The following PCDH11X variants were observed in gnomAD, a reference collection of about 807,000 sequenced individuals.
PCDH11X encodes protocadherin 11 X-linked, also known as protocadherin-11 X-linked.
A neutral mutation model predicts 53.3 loss-of-function variants in PCDH11X; 18 were observed. The observed-to-expected ratio is 0.34, with a 90% confidence interval of 0.23 to 0.50. PCDH11X has a LOEUF of 0.50. Ranked by LOEUF, PCDH11X falls within the 20% of genes least tolerant of loss-of-function variation. PCDH11X has a pLI of 0.98. For synonymous variants in PCDH11X, 279 were observed against 393.3 expected (o/e 0.71, Z 3.44); for missense variants, 570 against 1,032.4 (o/e 0.55, Z 6.14).
At chrX:92,079,662 CAT>C (rs1200541551) in intron 6 of PCDH11X, among the ~76,000 whole-genome samples, 1 of 111,071 alleles carries the variant, frequency 9.0e-6, no homozygotes, top group Non-Finnish European at 1.9e-5. Context: ...TACATATGTA[CAT>C]GTTTCCCCTA....
intron 6 of PCDH11X, among the ~76,000 whole-genome samples, chrX:92,168,235 A>G (rs1052067176): frequency 9.4e-6 from 1 of 106,461 alleles, no homozygotes; most frequent in Non-Finnish European, 1.9e-5. Context: ...AACATGAGCC[A>G]CCACACCCAG....
At chrX:91,934,027 C>G (rs1347057802) in intron 6 of PCDH11X, among the ~76,000 whole-genome samples, 1 of 111,218 alleles carries the variant, frequency 9.0e-6, no homozygotes, top group Non-Finnish European at 1.9e-5. Flanking sequence ...ATGTCTCCAT[C>G]CAAACAAAAT....
intron 1 of PCDH11X, among the ~76,000 whole-genome samples, chrX:91,791,498 A>AG (rs1453722429): frequency 9.3e-6 from 1 of 107,768 alleles, no homozygotes; most frequent in Non-Finnish European, 1.9e-5. Flanking sequence ...AAGAACAGCA[A>AG]GGGGAAAATC....
At chrX:92,369,757 C>T (rs1433773000) in intron 8 of PCDH11X, among the ~76,000 whole-genome samples, 2 of 111,317 alleles carry the variant, frequency 1.8e-5, no homozygotes, top group Non-Finnish European at 3.8e-5. Context: ...GAGGAAGGTC[C>T]CCCAGCTTCA....
chrX:92,170,087 A>G (rs1466898439), intron 6 of PCDH11X, among the ~76,000 whole-genome samples: 2 of 110,746 alleles, frequency 1.8e-5, no homozygotes, highest in Non-Finnish European at 3.8e-5. Context: ...AAATATGGAG[A>G]TAGAAATAAA....
intron 7 of PCDH11X, among the ~76,000 whole-genome samples, chrX:92,211,644 T>C (rs189244202): frequency 3.5e-4 from 39 of 112,269 alleles, no homozygotes; most frequent in African/African-American, 1.3e-3. Flanking sequence ...AAGGAACTGC[T>C]ACATTAATCT....
At chrX:91,956,818 G>T (rs770962206) in intron 6 of PCDH11X, among the ~76,000 whole-genome samples, 1 of 106,594 alleles carries the variant, frequency 9.4e-6, no homozygotes, top group African/African-American at 3.5e-5. Context: ...CTAGGTTGGA[G>T]AAGTTCTCCT....
rs1356218930 is a variant in PCDH11X at position 91,818,882 on chromosome X, G to A, written c.-45+7587G>A. ...CATGCACGCACATAAATGCACACAAGGGCATATGTTCACAGTGAAACACAA... is the reference window on the plus strand; with the variant it reads ...CATGCACGCACATAAATGCACACAAAGGCATATGTTCACAGTGAAACACAA... On this transcript the variant is annotated intron_variant, in intron 4 of 10. Coordinates refer to ENST00000682573, the MANE Select transcript of PCDH11X (RefSeq NM_032968.5). Among the ~76,000 whole-genome samples, 4 of 110,899 alleles carry A rather than the reference G, an allele frequency of 3.6e-5. No homozygotes were observed. The Admixed American group carries it at 3.9e-4, about 11-fold the overall frequency.
intron 7 of PCDH11X, among the ~76,000 whole-genome samples, chrX:92,208,928 A>G (rs994777981): frequency 1.8e-5 from 2 of 110,773 alleles, no homozygotes; most frequent in Non-Finnish European, 3.8e-5. Flanking sequence ...TACATGGTGG[A>G]AGCATTAGGG....
intron 6 of PCDH11X, among the ~76,000 whole-genome samples, chrX:92,048,131 C>T (rs2063317868): frequency 9.1e-6 from 1 of 109,943 alleles, no homozygotes; most frequent in African/African-American, 3.3e-5. Flanking sequence ...GAAGAAATGA[C>T]CAGTAGTCTA....
intron 10 of PCDH11X, among the ~76,000 whole-genome samples, chrX:92,495,342 G>A (rs1242906579): frequency 9.2e-6 from 1 of 108,273 alleles, no homozygotes; most frequent in African/African-American, 3.3e-5. Flanking sequence ...TATTCTGTTT[G>A]AATGTCCACT....
intron 6 of PCDH11X, among the ~76,000 whole-genome samples, chrX:91,969,288 T>C (rs1753540842): frequency 9.0e-6 from 1 of 111,152 alleles, no homozygotes; most frequent in African/African-American, 3.3e-5. Context: ...CATTTACAAG[T>C]ATAACCACAT....
intron 8 of PCDH11X, among the ~76,000 whole-genome samples, chrX:92,304,814 C>A (rs2755303): frequency 8.9e-6 from 1 of 112,344 alleles, no homozygotes; most frequent in Non-Finnish European, 1.9e-5. Context: ...AAACTTTGCT[C>A]GAAGAGCAGT....
In PCDH11X at chrX:92,447,393, T is replaced by C. The variant is rs2072677722; in HGVS notation, c.3344-20906T>C. On this transcript the variant is annotated intron_variant, in intron 9 of 10. Coordinates refer to ENST00000682573, the MANE Select transcript of PCDH11X (RefSeq NM_032968.5). The stretch of plus-strand genomic sequence containing the variant: ...TCAGGTCCCTGTGCTGTGTGCAGTC[T>C]AGGGAACTGGTAACTGCATCCCAGC... Among the ~76,000 whole-genome samples, 3 of 110,539 alleles carry C rather than the reference T, an allele frequency of 2.7e-5. 1 individual carries two copies. In the South Asian group the frequency reaches 1.2e-3, roughly 43 times the overall value.
At chrX:92,415,930 AATAAAATATTC>A (rs923876617) in intron 9 of PCDH11X, among the ~76,000 whole-genome samples, 2 of 111,976 alleles carry the variant, frequency 1.8e-5, no homozygotes, top group Non-Finnish European at 3.8e-5. Flanking sequence ...ATTATTAGGA[AATAAAATATTC>A]ATAGTTATTT....
intron 10 of PCDH11X, among the ~76,000 whole-genome samples, chrX:92,594,843 T>A (rs1342369812): frequency 1.2e-5 from 1 of 86,650 alleles, no homozygotes; most frequent in Non-Finnish European, 2.2e-5. Flanking sequence ...ACATTGCTAT[T>A]TTTTTTGTTT....
At chrX:92,473,163 G>A (rs1366716035) in intron 10 of PCDH11X, among the ~76,000 whole-genome samples, 1 of 107,482 alleles carries the variant, frequency 9.3e-6, no homozygotes, top group East Asian at 2.9e-4. Context: ...TTCAGGTTTT[G>A]GATTTCTTAA....
At chrX:92,144,147 C>A (rs960801047) in intron 6 of PCDH11X, among the ~76,000 whole-genome samples, 13 of 110,799 alleles carry the variant, frequency 1.2e-4, no homozygotes, top group Non-Finnish European at 2.4e-4. Context: ...TATATAGGCT[C>A]ATAGGCAGAA....
chrX:92,271,009 C>A (rs2067945817), intron 8 of PCDH11X, among the ~76,000 whole-genome samples: 1 of 111,633 alleles, frequency 9.0e-6, no homozygotes, highest in Non-Finnish European at 1.9e-5. Context: ...TACCGCGATT[C>A]TCTGAAGCAA....
Sources: gnomAD v4.1 joint callset for allele counts (sites outside exome capture counted in the v4.1 genomes callset) on GRCh38, gnomAD v4.1.1 for gene constraint, MANE v1.5 for transcripts, NCBI Gene and HGNC (gene_info 2026-07-23, HGNC 2026-07-21) for gene names.